The following DMD variants were observed in gnomAD, a reference collection of about 807,000 sequenced individuals.
The protein encoded by DMD is dystrophin.
DMD carries 63 observed loss-of-function variants against 330.1 expected under a neutral mutation model. That is an observed-to-expected ratio of 0.19 (90% CI 0.16 to 0.24). DMD has a LOEUF of 0.24. Ranked by LOEUF, DMD falls within the 10% of genes least tolerant of loss-of-function variation. The pLI is 1.00. For missense variants in DMD, 3,344 were observed against 2,684.1 expected, an observed-to-expected ratio of 1.25 and a Z score of -5.43; for synonymous variants, 1,223 against 959.8, an observed-to-expected ratio of 1.27 and a Z score of -5.07.
At chrX:32,093,946 T>C (rs749838188) in intron 44 of DMD, among the ~76,000 whole-genome samples, 1 of 111,022 alleles carries the variant, frequency 9.0e-6, no homozygotes, top group East Asian at 2.8e-4. Flanking sequence ...CTAAATTTAC[T>C]GGAGATATCA....
intron 62 of DMD, among the ~76,000 whole-genome samples, chrX:31,287,017 G>A (rs925390672): frequency 6.2e-5 from 7 of 112,220 alleles, no homozygotes; most frequent in Non-Finnish European, 1.3e-4. Context: ...TGCCCTCCTC[G>A]GCCTCCCAAA....
intron 50 of DMD, among the ~76,000 whole-genome samples, chrX:31,788,266 T>A (rs1421238421): frequency 8.9e-6 from 1 of 112,076 alleles, no homozygotes; most frequent in African/African-American, 3.2e-5. Flanking sequence ...TTCAGAAAGA[T>A]CTGTGAAGCT....
At chrX:33,289,437 A>C (rs904984692) in intron 1 of DMD, among the ~76,000 whole-genome samples, 1 of 111,330 alleles carries the variant, frequency 9.0e-6, no homozygotes, top group South Asian at 3.7e-4. Context: ...CATTCAATAT[A>C]TTTTAAAAAC....
intron 2 of DMD, among the ~76,000 whole-genome samples, chrX:32,892,587 G>C (rs748361141): frequency 6.3e-5 from 7 of 110,719 alleles, no homozygotes; most frequent in South Asian, 3.8e-4. Context: ...TAGTAGAGAC[G>C]GGGTTTCACC....
intron 2 of DMD, among the ~76,000 whole-genome samples, chrX:32,945,392 A>G (rs1414719458): frequency 9.0e-6 from 1 of 111,219 alleles, no homozygotes; most frequent in African/African-American, 3.3e-5. Context: ...AATTTTTCCC[A>G]TTAGTTATAA....
chrX:31,550,713 T>C (rs1011717695), intron 55 of DMD, among the ~76,000 whole-genome samples: 2 of 112,004 alleles, frequency 1.8e-5, no homozygotes, highest in African/African-American at 6.5e-5. Flanking sequence ...AGGTTATATA[T>C]ACATACACAG....
intron 52 of DMD, among the ~76,000 whole-genome samples, chrX:31,683,089 G>T (rs1221881574): frequency 1.8e-5 from 2 of 111,851 alleles, no homozygotes; most frequent in Non-Finnish European, 3.8e-5. Flanking sequence ...GCTCCTTGGG[G>T]TGTGCATCCC....
chrX:31,490,228 T>C (rs1353963683), intron 57 of DMD, among the ~76,000 whole-genome samples: 2 of 112,262 alleles, frequency 1.8e-5, no homozygotes, highest in African/African-American at 6.5e-5. Flanking sequence ...AACAGTCAAG[T>C]GGTTTAGAAA....
chrX:31,769,092 C>T (rs1255709917), intron 51 of DMD, among the ~76,000 whole-genome samples: 1 of 112,061 alleles, frequency 8.9e-6, no homozygotes, highest in Admixed American at 9.5e-5. Context: ...ATAAGCTTTT[C>T]ACCAAATATG....
intron 51 of DMD, among the ~76,000 whole-genome samples, chrX:31,753,164 A>G (rs1233184995): frequency 8.9e-6 from 1 of 112,037 alleles, no homozygotes; most frequent in Non-Finnish European, 1.9e-5. Context: ...TGGGGGTGTG[A>G]GGGAGGTGGC....
intron 47 of DMD, among the ~76,000 whole-genome samples, chrX:31,922,546 G>A (rs974732124): frequency 1.8e-5 from 2 of 109,527 alleles, no homozygotes; most frequent in South Asian, 8.0e-4. Flanking sequence ...GCGCTAGGGG[G>A]GTGCAGAGGA....
At chrX:32,556,815 A>T (rs985865759) in intron 16 of DMD, among the ~76,000 whole-genome samples, 11 of 111,704 alleles carry the variant, frequency 9.8e-5, no homozygotes, top group African/African-American at 3.6e-4. Flanking sequence ...TTATGCTGGG[A>T]TAAGAGATTT....
Position 31,861,675 on chromosome X carries a change from T to TAC in DMD, c.7098+13511_7098+13512dup, listed in dbSNP as rs1307324671. On this transcript the variant is annotated intron_variant, in intron 48 of 78. Coordinates refer to ENST00000357033, the MANE Select transcript of DMD (RefSeq NM_004006.3). ...GTGTGTGTGTGTGTGTGTATATATA[T>TAC]ACACACACACACACAGCATTTTACT... Among the ~76,000 whole-genome samples, 377 of 91,396 alleles carry TAC rather than the reference T, an allele frequency of 4.1e-3. 3 individuals carry two copies. Among genetic ancestry groups the TAC allele is most frequent in the Non-Finnish European group, 6.5e-3 (304 of 46,601 alleles). 79.4% of individuals were successfully genotyped at this position (91,396 alleles called of 115,157 possible). A position where few individuals can be genotyped will look rare whatever the true frequency, so the allele number is the denominator to read the frequency against.
At chrX:32,938,729 A>C (rs2090186874) in intron 2 of DMD, among the ~76,000 whole-genome samples, 1 of 111,900 alleles carries the variant, frequency 8.9e-6, no homozygotes, top group Admixed American at 9.5e-5. Context: ...CGACTGTATT[A>C]GATTTAAAAC....
intron 63 of DMD, among the ~76,000 whole-genome samples, chrX:31,243,727 T>C (rs1396506359): frequency 1.8e-5 from 2 of 112,602 alleles, no homozygotes; most frequent in East Asian, 2.8e-4. Flanking sequence ...TGAGTGTAAA[T>C]GGCTACAGCC....
chrX:32,545,705 A>G (rs913909872), intron 16 of DMD, among the ~76,000 whole-genome samples: 2 of 111,797 alleles, frequency 1.8e-5, no homozygotes, highest in African/African-American at 6.5e-5. Flanking sequence ...AACGTACATC[A>G]GTACCAATTC....
chrX:31,378,486 G>A (rs772005604), intron 60 of DMD, among the ~76,000 whole-genome samples: 9 of 111,363 alleles, frequency 8.1e-5, no homozygotes, highest in African/African-American at 2.9e-4. Context: ...CCAAAACTCC[G>A]GCACCGGTCA....
intron 52 of DMD, among the ~76,000 whole-genome samples, chrX:31,724,880 C>T (rs1277557248): frequency 8.9e-6 from 1 of 112,169 alleles, no homozygotes; most frequent in African/African-American, 3.2e-5. Flanking sequence ...TAAGGTTACA[C>T]AGCTAATAGA....
intron 12 of DMD, among the ~76,000 whole-genome samples, chrX:32,601,792 C>A (rs970960651): frequency 8.9e-6 from 1 of 111,940 alleles, no homozygotes; most frequent in Non-Finnish European, 1.9e-5. Context: ...ATAAAACTGC[C>A]TATTTCTTTA....
Sources: allele counts gnomAD v4.1 joint callset (sites outside exome capture counted in the v4.1 genomes callset), GRCh38; gene constraint gnomAD v4.1.1; transcripts MANE v1.5; gene names NCBI Gene and HGNC (gene_info 2026-07-23, HGNC 2026-07-21).